Variants in SAXO1 observed in about 807,000 individuals in gnomAD.
SAXO1 encodes 4930500O09Rik.
In SAXO1, 21 loss-of-function variants were observed where a neutral mutation model predicts 17.5. That is an observed-to-expected ratio of 1.20 (90% CI 0.85 to 1.72). SAXO1 has a LOEUF of 1.72. SAXO1 is among the 40% of genes most tolerant of loss of function. SAXO1 has a pLI of 0.00. For synonymous variants in SAXO1, 274 were observed against 216.5 expected, an observed-to-expected ratio of 1.27 and a Z score of -2.33; for missense variants, 843 against 596.0, an observed-to-expected ratio of 1.41 and a Z score of -4.32.
At chr9:18,959,320 G>A (rs896086425) in intron 1 of SAXO1, among the ~76,000 whole-genome samples, 7 of 152,214 alleles carry the variant, frequency 4.6e-5, no homozygotes, top group Non-Finnish European at 7.4e-5. Flanking sequence ...AAAAATAATC[G>A]GTGGAAAAAG....
chr9:18,929,721 T>A (rs578131427), intron 3 of SAXO1, among the ~76,000 whole-genome samples: 1 of 152,304 alleles, frequency 6.6e-6, no homozygotes, highest in Non-Finnish European at 1.5e-5. Flanking sequence ...ACTGTCCTAA[T>A]AAGGTGGGTA....
In SAXO1 at chr9:18,928,315, T is replaced by G; in HGVS notation, c.1162A>C (p.Ser388Arg). 7 of 1,613,426 alleles carry G rather than the reference T, an allele frequency of 4.3e-6. No individual in the cohort carries two copies. Among genetic ancestry groups the G allele is most frequent in the Non-Finnish European group, 5.9e-6 (7 of 1,179,612 alleles). ...GGGCCAGACCAATGAGGCTTACAGCTTTTGGTATTGATAGGCAGGTGGGGC... is the reference window on the plus strand; with the variant it reads ...GGGCCAGACCAATGAGGCTTACAGCGTTTGGTATTGATAGGCAGGTGGGGC... ...YVPHLPINTK[S>R]CKPHWSGPRG... The change falls in exon 4 of 4, where the codon AGC (serine) becomes CGC (arginine). Residue 388 changes from serine to arginine, a missense_variant. Coordinates refer to ENST00000380534, the MANE Select transcript of SAXO1 (RefSeq NM_153707.4).
chr9:19,011,964 G>C (rs1445752520), intron 1 of SAXO1, among the ~76,000 whole-genome samples: 4 of 151,006 alleles, frequency 2.6e-5, no homozygotes, highest in Non-Finnish European at 4.4e-5. Flanking sequence ...TCCTGCCTCA[G>C]CCTCCCAAGT....
chr9:18,936,648 C>A (rs1831305436), intron 3 of SAXO1, among the ~76,000 whole-genome samples: 1 of 152,212 alleles, frequency 6.6e-6, no homozygotes, highest in Admixed American at 6.5e-5. Flanking sequence ...CTCAGAATTT[C>A]ACATGACAAA....
chr9:18,992,842 C>A (rs1227260158), intron 1 of SAXO1, among the ~76,000 whole-genome samples: 1 of 152,006 alleles, frequency 6.6e-6, no homozygotes, highest in Admixed American at 6.6e-5. Flanking sequence ...GATCTCAGCT[C>A]ACCGCAACCT....
chr9:19,027,957 G>C, intron 1 of SAXO1: 1 of 1,482,640 alleles, frequency 6.7e-7, no homozygotes. Flanking sequence ...CGTGAACTGC[G>C]AGGGAGCTGA....
rs567180775 is a variant in SAXO1 at position 18,995,044 on chromosome 9, C to G, written c.38+37827G>C. On this transcript the variant is annotated intron_variant, in intron 1 of 3. Coordinates refer to ENST00000380534, the MANE Select transcript of SAXO1 (RefSeq NM_153707.4). ...ACTGAGTTTTTCTTTTTGAAATGCA[C>G]AAAATAACTATAAAATGTCACACTT... 3.0e-3 allele frequency among the ~76,000 whole-genome samples: 459 copies of G among 152,228 alleles called. 8 individuals carry two copies. In the South Asian group the frequency reaches 0.044, roughly 15 times the overall value.
chr9:18,986,622 G>C (rs1275911666), intron 1 of SAXO1, among the ~76,000 whole-genome samples: 5 of 152,064 alleles, frequency 3.3e-5, no homozygotes, highest in Non-Finnish European at 5.9e-5. Context: ...AAAAAAAAAG[G>C]GGGGGCGGTT....
At chr9:18,968,598 GTTTTT>G (rs34092832) in intron 1 of SAXO1, among the ~76,000 whole-genome samples, 1 of 144,060 alleles carries the variant, frequency 6.9e-6, no homozygotes, top group Non-Finnish European at 1.5e-5. Context: ...CCCCCTTTTT[GTTTTT>G]TTTTTTTGAG....
chr9:18,980,528 C>CGGGGGGGG (rs1554675110), intron 1 of SAXO1, among the ~76,000 whole-genome samples: 1 of 81,790 alleles, frequency 1.2e-5, no homozygotes, highest in African/African-American at 8.2e-5. Context: ...AAGGTAGTGG[C>CGGGGGGGG]GGGGGGAGGG....
rs550179126 is a variant in SAXO1 at position 18,942,741 on chromosome 9, A to G, written c.219-902T>C. ...TAAAAAGGCCCAGATGCTCACTGCAATGCCCACCAGGAACCGCCCTAAGGA... is the reference window on the plus strand; with the variant it reads ...TAAAAAGGCCCAGATGCTCACTGCAGTGCCCACCAGGAACCGCCCTAAGGA... On this transcript the variant is annotated intron_variant, in intron 2 of 3. Transcript: ENST00000380534. Among the ~76,000 whole-genome samples the G allele has an allele frequency of 3.9e-5, 6 of 152,306 alleles. 1 individual carries two copies. The highest frequency in any genetic ancestry group is 1.2e-4 in the African/African-American group (5 of 41,582).
At chr9:19,046,987 G>A (rs947903947) in intron 1 of SAXO1, among the ~76,000 whole-genome samples, 8 of 152,202 alleles carry the variant, frequency 5.3e-5, no homozygotes, top group Non-Finnish European at 1.0e-4. Flanking sequence ...AGCAGTTTGA[G>A]ACCAGCCTGG....
chr9:18,990,372 G>A (rs1440012248), intron 1 of SAXO1, among the ~76,000 whole-genome samples: 1 of 152,174 alleles, frequency 6.6e-6, no homozygotes, highest in African/African-American at 2.4e-5. Context: ...TGACTTGCTT[G>A]TTGCTGAGAA....
intron 1 of SAXO1, among the ~76,000 whole-genome samples, chr9:18,952,608 A>G (rs1416981402): frequency 6.6e-6 from 1 of 152,206 alleles, no homozygotes; most frequent in Admixed American, 6.5e-5. Context: ...CTTCTCACCT[A>G]TAGATTTGTT....
chr9:19,020,316 G>A (rs1312304460), intron 1 of SAXO1, among the ~76,000 whole-genome samples: 29 of 151,876 alleles, frequency 1.9e-4, no homozygotes, highest in Non-Finnish European at 1.5e-5. Flanking sequence ...AGTTTGTTTG[G>A]GGCCCAGCAT....
At position 19,024,748 on chromosome 9, in the gene SAXO1, G is replaced by A. The variant is rs995241884; in HGVS notation, c.38+8123C>T. On this transcript the variant is annotated intron_variant, in intron 1 of 3. Coordinates refer to ENST00000380534, the MANE Select transcript of SAXO1 (RefSeq NM_153707.4). Reference sequence around the variant, plus strand: ...CCACCCCTCACATCCTACATCACTTGTTTTATTGGTCTCATTCATCTAAGG... The same window carrying A: ...CCACCCCTCACATCCTACATCACTTATTTTATTGGTCTCATTCATCTAAGG... Among the ~76,000 whole-genome samples, 5 of 151,546 alleles carry A rather than the reference G, an allele frequency of 3.3e-5. 1 individual carries two copies. The highest frequency in any genetic ancestry group is 1.3e-4 in the Admixed American group (2 of 15,216).
intron 1 of SAXO1, among the ~76,000 whole-genome samples, chr9:19,039,047 G>A (rs1836013218): frequency 6.6e-6 from 1 of 151,240 alleles, no homozygotes; most frequent in African/African-American, 2.4e-5. Context: ...TATACCATCT[G>A]AAAAGCAACT....
rs71333077 is a variant in SAXO1 at position 19,024,012 on chromosome 9, C to CTTTTTTTTT, written c.38+8850_38+8858dup. Among the ~76,000 whole-genome samples the CTTTTTTTTT allele has an allele frequency of 1.8e-4, 7 of 38,116 alleles. 1 individual carries two copies. Among genetic ancestry groups the CTTTTTTTTT allele is most frequent in the African/African-American group, 5.5e-4 (5 of 9,164 alleles). The allele number at this position is 38,116 out of a possible 152,430, so 25.0% of individuals were successfully genotyped here. A position where few individuals can be genotyped will look rare whatever the true frequency, so the allele number is the denominator to read the frequency against. On this transcript the variant is annotated intron_variant, in intron 1 of 3. Coordinates refer to ENST00000380534, the MANE Select transcript of SAXO1 (RefSeq NM_153707.4). The stretch of plus-strand genomic sequence containing the variant: ...GAAGAAGAAATGCTACTCTTTAAGG[C>CTTTTTTTTT]TTTTTTTTTTTTTTTTTTTTTTTTT...
At chr9:19,047,455 C>G (rs1244125695) in intron 1 of SAXO1, among the ~76,000 whole-genome samples, 1 of 152,176 alleles carries the variant, frequency 6.6e-6, no homozygotes, top group Non-Finnish European at 1.5e-5. Context: ...AGAGGAAATA[C>G]ATCATCAAAC....
Sources: gnomAD v4.1 joint callset for allele counts (sites outside exome capture counted in the v4.1 genomes callset) on GRCh38, gnomAD v4.1.1 for gene constraint, MANE v1.5 for transcripts, NCBI Gene and HGNC (gene_info 2026-07-23, HGNC 2026-07-21) for gene names.